The following LUZP1 variants were observed in gnomAD, a reference collection of about 807,000 sequenced individuals.
The protein encoded by LUZP1 is filamin mechanobinding actin cross-linking protein.
LUZP1 carries 25 observed loss-of-function variants against 71.3 expected under a neutral mutation model. The ratio of observed to expected loss-of-function variants is 0.35; its 90% CI spans 0.26 to 0.49. The LOEUF is 0.49. Among genes scored for constraint, LUZP1 ranks in the 20% least tolerant of loss-of-function variants. The pLI, the probability that LUZP1 is intolerant of heterozygous loss-of-function variation, is 0.99. For missense variants in LUZP1, 1,142 were observed against 1,300.8 expected, an observed-to-expected ratio of 0.88 and a Z score of 1.88; for synonymous variants, 481 against 506.4, an observed-to-expected ratio of 0.95 and a Z score of 0.67.
exon 4 of LUZP1, chr1:23,092,649 A>C: frequency 1.2e-6 from 2 of 1,614,194 alleles, no homozygotes; most frequent in East Asian, 4.5e-5. Flanking sequence ...CTTGCCAAAG[A>C]CAGTCTCAGA....
chr1:23,164,396 G>A (rs2148212053), intron 2 of LUZP1, among the ~76,000 whole-genome samples: 1 of 152,082 alleles, frequency 6.6e-6, no homozygotes, highest in South Asian at 2.1e-4. Context: ...TCGGGAGGCT[G>A]AGGCAGAATG....
intron 1 of LUZP1, among the ~76,000 whole-genome samples, chr1:23,176,250 C>T (rs964652079): frequency 1.3e-5 from 2 of 151,782 alleles, no homozygotes; most frequent in Non-Finnish European, 2.9e-5. Context: ...TTAGTAGAGA[C>T]GGGGTTTCAC....
At chr1:23,092,336 TTCA>T (rs997803178) in exon 4 of LUZP1, 16 of 1,614,060 alleles carry the variant, frequency 9.9e-6, no homozygotes, top group African/African-American at 1.3e-5. Context: ...ACCTCAAGGC[TTCA>T]TGCGGACTGC....
intron 2 of LUZP1, among the ~76,000 whole-genome samples, chr1:23,112,449 C>G (rs1338013618): frequency 6.6e-6 from 1 of 152,208 alleles, no homozygotes; most frequent in Non-Finnish European, 1.5e-5. Context: ...CCCAGAGGAG[C>G]AAGTGGGTCC....
At chr1:23,098,040 T>C (rs1275160715) in intron 3 of LUZP1, among the ~76,000 whole-genome samples, 2 of 152,232 alleles carry the variant, frequency 1.3e-5, no homozygotes, top group South Asian at 2.1e-4. Flanking sequence ...AAGGGCCCAC[T>C]TGAAATTCCT....
chr1:23,105,580 G>C (rs1366246930), intron 3 of LUZP1, among the ~76,000 whole-genome samples: 1 of 152,108 alleles, frequency 6.6e-6, no homozygotes, highest in Non-Finnish European at 1.5e-5. Context: ...CTAGTACCTG[G>C]TCTATAGTAA....
chr1:23,145,554 C>T lies in LUZP1; in HGVS notation c.-226+23212G>A, dbSNP rs141627839. On this transcript the variant is annotated intron_variant, in intron 2 of 4. Transcript: ENST00000302291. The stretch of plus-strand genomic sequence containing the variant: ...GCGCAATCTCAGCTCACTGCAACCT[C>T]CGCCTCCTGAGTTCAAGTGTTTCTC... 1.5e-4 allele frequency among the ~76,000 whole-genome samples: 23 copies of T among 151,280 alleles called. No individual in the cohort carries two copies. The East Asian group carries it at 4.1e-3, about 27-fold the overall frequency.
At chr1:23,173,969 G>T (rs986777358) in intron 1 of LUZP1, among the ~76,000 whole-genome samples, 5 of 152,042 alleles carry the variant, frequency 3.3e-5, no homozygotes, top group African/African-American at 1.2e-4. Flanking sequence ...AGGACAAAAA[G>T]AATTTTAAGC....
intron 1 of LUZP1, among the ~76,000 whole-genome samples, chr1:23,173,350 C>CTTTTTTTTTTTTTTTTTTTTTTTGTTTTT (rs869169060): frequency 1.2e-5 from 1 of 80,358 alleles, no homozygotes; most frequent in Non-Finnish European, 2.4e-5. Context: ...TTTGTTTTTT[C>CTTTTTTTTTTTTTTTTTTTTTTTGTTTTT]TTTTTTTTTT....
chr1:23,091,166 G>T, intron 4 of LUZP1, 24 bp downstream of exon 3: 1 of 1,572,072 alleles, frequency 6.4e-7, no homozygotes, highest in Non-Finnish European at 8.6e-7. Flanking sequence ...AGAAAAGAGA[G>T]AGGGGAGAGA....
At chr1:23,151,027 G>A (rs1644379180) in intron 2 of LUZP1, among the ~76,000 whole-genome samples, 4 of 152,014 alleles carry the variant, frequency 2.6e-5, no homozygotes, top group Admixed American at 6.6e-5. Flanking sequence ...CTATTTTTAT[G>A]ATTTAGAACT....
intron 2 of LUZP1, among the ~76,000 whole-genome samples, chr1:23,163,029 C>A (rs9426811): frequency 0.15 from 23,203 of 151,826 alleles, 2,098 homozygotes; most frequent in South Asian, 0.32. Context: ...ATCACGAGGT[C>A]AGCAGCTCGA....
intron 2 of LUZP1, among the ~76,000 whole-genome samples, chr1:23,109,417 A>G (rs953380269): frequency 6.6e-6 from 1 of 152,168 alleles, no homozygotes; most frequent in African/African-American, 2.4e-5. Context: ...AAACACCCGA[A>G]CATTCCTCAA....
chr1:23,088,956 G>C, exon 5 of LUZP1: 1 of 1,614,190 alleles, frequency 6.2e-7, no homozygotes, highest in South Asian at 1.1e-5. Context: ...TACTCGCCCA[G>C]ACTCTGGCAG....
intron 3 of LUZP1, among the ~76,000 whole-genome samples, chr1:23,100,138 C>T (rs1364049239): frequency 6.6e-6 from 1 of 152,228 alleles, no homozygotes; most frequent in Non-Finnish European, 1.5e-5. Flanking sequence ...CAATTCTTCT[C>T]TCCAACTTGT....
At chr1:23,129,442 G>A (rs1644196847) in intron 2 of LUZP1, among the ~76,000 whole-genome samples, 2 of 152,170 alleles carry the variant, frequency 1.3e-5, no homozygotes, top group South Asian at 2.1e-4. Flanking sequence ...TTACCCAGGC[G>A]TGGAGGCGCA....
intron 2 of LUZP1, among the ~76,000 whole-genome samples, chr1:23,152,305 T>C (rs1419669578): frequency 1.3e-5 from 2 of 152,182 alleles, no homozygotes; most frequent in East Asian, 3.8e-4. Flanking sequence ...TGAAACGTAC[T>C]GTATTTTTTT....
chr1:23,149,696 CGGGCGTGGT>C (rs1160808753), intron 2 of LUZP1, among the ~76,000 whole-genome samples: 3 of 151,880 alleles, frequency 2.0e-5, no homozygotes, highest in African/African-American at 7.3e-5. Flanking sequence ...GTAAAAGGGC[CGGGCGTGGT>C]GGTTCACGCC....
intron 1 of LUZP1, among the ~76,000 whole-genome samples, chr1:23,171,294 A>G (rs1240074374): frequency 2.6e-5 from 4 of 152,136 alleles, no homozygotes; most frequent in African/African-American, 9.7e-5. Context: ...AAGCATTCCC[A>G]TTGGAATGGA....
Sources: gnomAD v4.1 joint callset for allele counts (sites outside exome capture counted in the v4.1 genomes callset) on GRCh38, gnomAD v4.1.1 for gene constraint, MANE v1.5 for transcripts, NCBI Gene and HGNC (gene_info 2026-07-23, HGNC 2026-07-21) for gene names.